TXNRD3: variants seen among roughly 807,000 people sequenced by gnomAD.
The protein encoded by TXNRD3 is TXNRD3 neighbor gene protein.
TXNRD3 carries 68 observed loss-of-function variants against 78.2 expected under a neutral mutation model. The observed-to-expected ratio is 0.87, with a 90% confidence interval of 0.72 to 1.06. TXNRD3 has a LOEUF of 1.06. Among genes scored for constraint, TXNRD3 ranks in the 50% least tolerant of loss-of-function variants. The pLI is 0.00. For synonymous variants in TXNRD3, 296 were observed against 300.1 expected, an observed-to-expected ratio of 0.99 and a Z score of 0.14; for missense variants, 751 against 809.5, an observed-to-expected ratio of 0.93 and a Z score of 0.88.
chr3:126,634,229 A>G (rs1015076936), intron 6 of TXNRD3, among the ~76,000 whole-genome samples, 178 bp from the exon 7 acceptor site: 3 of 152,208 alleles, frequency 2.0e-5, no homozygotes, highest in African/African-American at 7.2e-5. Flanking sequence ...TATATTACAA[A>G]GAATGTGGAA....
At chr3:126,616,111 G>C (rs1031844294) in intron 12 of TXNRD3, among the ~76,000 whole-genome samples, 1 of 152,194 alleles carries the variant, frequency 6.6e-6, no homozygotes, top group Non-Finnish European at 1.5e-5. Flanking sequence ...AGAGAAGAAT[G>C]GACATTGCAA....
intron 6 of TXNRD3, among the ~76,000 whole-genome samples, chr3:126,634,342 G>A (rs1056423625): frequency 6.6e-6 from 1 of 152,148 alleles, no homozygotes. Flanking sequence ...CGTAAGGCAG[G>A]AGGCTCACCT....
intron 4 of TXNRD3, 22 bp from the exon 5 acceptor site, chr3:126,644,075 A>G: frequency 6.5e-7 from 1 of 1,534,610 alleles, no homozygotes; most frequent in South Asian, 1.2e-5. Flanking sequence ...CAACAACAAA[A>G]ATTACGTATA....
At position 126,633,991 on chromosome 3, in the gene TXNRD3, C is replaced by G; in HGVS notation, c.773G>C (p.Trp258Ser). 1.3e-6 allele frequency: 2 copies of G among 1,529,842 alleles called. No individual in the cohort carries two copies. The highest frequency in any genetic ancestry group is 1.7e-6 in the Non-Finnish European group (2 of 1,143,294). The allele number at this position is 1,529,842 out of a possible 1,614,324, so 94.8% of individuals were successfully genotyped here. Reference sequence around the variant, plus strand: ...TTCCCTCAGAGACAACCTGTAGCCCCAGTTTAGAGAGCTGATGTGGTTCTG... The same window carrying G: ...TTCCCTCAGAGACAACCTGTAGCCCGAGTTTAGAGAGCTGATGTGGTTCTG... Residue 258 changes from tryptophan (W) to serine (S), a missense_variant, in exon 7 of 16, where the codon TGG becomes TCG. Transcript: ENST00000524230.
In TXNRD3 at chr3:126,643,975, A is replaced by G. The variant is rs770409996; in HGVS notation, c.592+6T>C. ...CAGAGAGGAACAACAGAGAAAAACA[A>G]CTTACCCCAGGATGTGCCCTGAGGT... is the stretch of plus-strand genomic sequence containing the variant. On this transcript the variant is annotated splice_donor_region_variant and intron_variant, in intron 5 of 15. Coordinates refer to ENST00000524230, the MANE Select transcript of TXNRD3 (RefSeq NM_052883.3). 3.6e-5 allele frequency: 56 copies of G among 1,534,476 alleles called. No individual in the cohort carries two copies. The South Asian group carries it at 5.1e-4, about 14-fold the overall frequency.
At chr3:126,642,310 C>T (rs1376255160) in intron 5 of TXNRD3, among the ~76,000 whole-genome samples, 159 bp from the exon 6 acceptor site, 2 of 152,206 alleles carry the variant, frequency 1.3e-5, no homozygotes, top group African/African-American at 4.8e-5. Flanking sequence ...AATTTTCCAA[C>T]TACGGGTTCA....
chr3:126,650,173 G>A (rs868101182), intron 1 of TXNRD3, among the ~76,000 whole-genome samples: 7 of 152,144 alleles, frequency 4.6e-5, no homozygotes, highest in South Asian at 2.1e-4. Context: ...TATAGTTTGC[G>A]TTATTATCTT....
At chr3:126,609,807 C>A (rs1304946219) in intron 14 of TXNRD3, among the ~76,000 whole-genome samples, 1 of 152,192 alleles carries the variant, frequency 6.6e-6, no homozygotes, top group African/African-American at 2.4e-5. Flanking sequence ...TCAGAACTAG[C>A]ATGACAGCTG....
intron 14 of TXNRD3, among the ~76,000 whole-genome samples, chr3:126,609,628 A>C (rs866266505): frequency 6.6e-6 from 1 of 152,218 alleles, no homozygotes; most frequent in South Asian, 2.1e-4. Context: ...GCATGTGGCC[A>C]GGGTAAAGGG....
chr3:126,647,441 A>AT (rs1160565375), intron 1 of TXNRD3, 145 bp from the exon 2 acceptor site: 2 of 633,040 alleles, frequency 3.2e-6, no homozygotes, highest in South Asian at 2.1e-5. Flanking sequence ...TTTGTTTTTG[A>AT]TTTTTTCCTT....
chr3:126,648,757 C>T (rs978942030), intron 1 of TXNRD3, among the ~76,000 whole-genome samples: 13 of 152,148 alleles, frequency 8.5e-5, no homozygotes, highest in South Asian at 2.1e-4. Context: ...AGAAAATATA[C>T]GGCAAAAGTG....
intron 3 of TXNRD3, 47 bp downstream of exon 3, chr3:126,646,064 T>A (rs756725609): frequency 6.5e-5 from 91 of 1,407,104 alleles, no homozygotes; most frequent in African/African-American, 8.8e-5. Context: ...AATACTTTTT[T>A]AAAATATGAA....
chr3:126,632,112 G>A (rs983185785), intron 7 of TXNRD3, among the ~76,000 whole-genome samples: 1 of 152,200 alleles, frequency 6.6e-6, no homozygotes, highest in Admixed American at 6.5e-5. Context: ...AATCAAGGAT[G>A]TATTAAAGAA....
At chr3:126,631,160 A>C (rs1202013500) in intron 8 of TXNRD3, among the ~76,000 whole-genome samples, 1 of 151,992 alleles carries the variant, frequency 6.6e-6, no homozygotes, top group Non-Finnish European at 1.5e-5. Context: ...ATTTTTTAAA[A>C]AATAAAATAG....
At chr3:126,636,998 A>G (rs1938879783) in intron 6 of TXNRD3, among the ~76,000 whole-genome samples, 2 of 151,692 alleles carry the variant, frequency 1.3e-5, no homozygotes, top group Admixed American at 6.6e-5. Flanking sequence ...TCTTCTTCCA[A>G]TGTGGCCGAG....
chr3:126,611,783 A>T (rs1938203399), intron 13 of TXNRD3, among the ~76,000 whole-genome samples: 2 of 152,226 alleles, frequency 1.3e-5, no homozygotes, highest in African/African-American at 2.4e-5. Context: ...CAGGCAGTTA[A>T]TGCTGAGTGA....
At chr3:126,635,851 C>A (rs375112493) in intron 6 of TXNRD3, among the ~76,000 whole-genome samples, 3 of 152,180 alleles carry the variant, frequency 2.0e-5, no homozygotes, top group East Asian at 3.9e-4. Context: ...ATATTACACA[C>A]ATCACACATA....
At chr3:126,636,889 T>C (rs1411738784) in intron 6 of TXNRD3, among the ~76,000 whole-genome samples, 4 of 152,080 alleles carry the variant, frequency 2.6e-5, no homozygotes, top group African/African-American at 7.2e-5. Context: ...CAACACAAAT[T>C]TGTAAATTTT....
At chr3:126,654,500 G>T (rs548242867) in intron 1 of TXNRD3, among the ~76,000 whole-genome samples, 1 of 152,184 alleles carries the variant, frequency 6.6e-6, no homozygotes, top group East Asian at 1.9e-4. Flanking sequence ...TTTCACAAAC[G>T]GGGGAACTGA....
Sources: gnomAD v4.1 joint callset for allele counts (sites outside exome capture counted in the v4.1 genomes callset) on GRCh38, gnomAD v4.1.1 for gene constraint, MANE v1.5 for transcripts, NCBI Gene and HGNC (gene_info 2026-07-23, HGNC 2026-07-21) for gene names.